Variants in TPM1 observed in about 807,000 individuals in gnomAD.
The protein encoded by TPM1 is tropomyosin alpha-1 chain.
In TPM1, 24 loss-of-function variants were observed where a neutral mutation model predicts 42.9. That is an observed-to-expected ratio of 0.56 (90% CI 0.41 to 0.79). The LOEUF is 0.79. Ranked by LOEUF, TPM1 falls within the 30% of genes least tolerant of loss-of-function variation. The pLI is 0.00. For missense variants in TPM1, 158 were observed against 351.8 expected, an observed-to-expected ratio of 0.45 and a Z score of 4.41; for synonymous variants, 136 against 130.1, an observed-to-expected ratio of 1.05 and a Z score of -0.31.
chr15:63,043,296 G>GA (rs2031583488), intron 1 of TPM1: 4 of 520,190 alleles, frequency 7.7e-6, no homozygotes, highest in Non-Finnish European at 1.5e-5. Flanking sequence ...AAAGGGGGTC[G>GA]AGTAACTCAA....
downstream of TPM1, among the ~76,000 whole-genome samples, chr15:63,066,999 T>TA (rs2036315447): frequency 6.6e-6 from 1 of 152,202 alleles, no homozygotes; most frequent in Admixed American, 6.5e-5. Context: ...AGTGATTTTT[T>TA]TAAAAAAATA....
intron 9 of TPM1, chr15:63,065,307 A>G (rs183271074): frequency 1.9e-4 from 189 of 989,850 alleles, no homozygotes; most frequent in Admixed American, 5.3e-4. Context: ...TCTTCATTCT[A>G]ATATCACCCT....
chr15:63,052,025 T>C (rs2033980413), intron 2 of TPM1, among the ~76,000 whole-genome samples: 2 of 152,062 alleles, frequency 1.3e-5, no homozygotes, highest in South Asian at 4.2e-4. Context: ...GAGGGTCATA[T>C]GCATTGTAAG....
downstream of TPM1, chr15:63,070,771 G>T (rs2036563554): frequency 1.7e-6 from 2 of 1,184,832 alleles, no homozygotes; most frequent in Non-Finnish European, 2.1e-6. Context: ...GCTGTATTTG[G>T]TTTTTACCTC....
In TPM1 at chr15:63,064,103, G is replaced by A. The variant is rs1278119163; in HGVS notation, c.812G>A (p.Ser271Asn). ...CAGAAACTGAAGTACAAAGCCATCAGCGAGGAGCTGGACCACGCTCTCAAC... is the reference window on the plus strand; with the variant it reads ...CAGAAACTGAAGTACAAAGCCATCAACGAGGAGCTGGACCACGCTCTCAAC... ...YAQKLKYKAI[S>N]EELDHALNDM... The change falls in exon 9 of 10, where the codon AGC becomes AAC. Residue 271 changes from serine to asparagine, a missense_variant. Transcript: ENST00000403994. 6.2e-7 allele frequency: 1 copy of A among 1,614,120 alleles called. No individual in the cohort carries two copies. Among genetic ancestry groups the A allele is most frequent in the Non-Finnish European group, 8.5e-7 (1 of 1,180,024 alleles).
At chr15:63,048,856 G>A (rs1463213745) in intron 2 of TPM1, 5 of 1,102,564 alleles carry the variant, frequency 4.5e-6, no homozygotes, top group Non-Finnish European at 6.6e-6. Flanking sequence ...CCAGCTGGCG[G>A]CGGGCTCTGG....
In TPM1 at chr15:63,054,822, T is replaced by A. The variant is rs576302191; in HGVS notation, c.241-2163T>A. Among the ~76,000 whole-genome samples the A allele has an allele frequency of 9.8e-5, 15 of 152,328 alleles. No individual in the cohort carries two copies. The South Asian group carries it at 3.1e-3, about 32-fold the overall frequency. On this transcript the variant is annotated intron_variant, in intron 2 of 9. Coordinates refer to ENST00000403994, the MANE Select transcript of TPM1 (RefSeq NM_001018005.2). ...TGGAGGCTTTTTGTTGTTGTAGGGC[T>A]TTTGGTTTGTGTGCTTGGTTTTTTT... is the stretch of plus-strand genomic sequence containing the variant.
chr15:63,043,992 CCCCT>C, intron 1 of TPM1, 31 bp from the exon 2 acceptor site: 3 of 1,607,164 alleles, frequency 1.9e-6, no homozygotes, highest in Non-Finnish European at 2.5e-6. Flanking sequence ...CTGCTGCACC[CCCCT>C]CCCTCCCTGT....
chr15:63,053,209 T>C (rs1204813038), intron 2 of TPM1, among the ~76,000 whole-genome samples: 2 of 152,262 alleles, frequency 1.3e-5, no homozygotes, highest in Non-Finnish European at 2.9e-5. Context: ...TTCAAAAAGA[T>C]TGTGATAATC....
chr15:63,064,604 G>A, intron 9 of TPM1: 2 of 1,032,428 alleles, frequency 1.9e-6, no homozygotes, highest in Non-Finnish European at 2.3e-6. Context: ...CTGAGGATAA[G>A]GAAATTGGCA....
chr15:63,048,680 G>A, intron 2 of TPM1: 1 of 1,539,512 alleles, frequency 6.5e-7, no homozygotes, highest in South Asian at 1.2e-5. Flanking sequence ...AGCGCGAGCT[G>A]GACCACGAGA....
intron 4 of TPM1, among the ~76,000 whole-genome samples, chr15:63,060,335 C>T (rs899975466): frequency 7.2e-5 from 11 of 152,204 alleles, no homozygotes; most frequent in African/African-American, 2.4e-4. Context: ...TTTTGATCTG[C>T]TTCAGAGGCT....
chr15:63,061,205 C>A lies in TPM1; in HGVS notation c.563+266C>A, dbSNP rs201813515. 6.8e-6 allele frequency: 11 copies of A among 1,613,968 alleles called. No homozygotes were observed. Among genetic ancestry groups the A allele is most frequent in the African/African-American group, 1.3e-5 (1 of 74,882 alleles). On this transcript the variant is annotated intron_variant, in intron 5 of 9. Transcript: ENST00000403994. ...TCCTGTGTCCACTAACAGCCAAGTCCGACAGCTGGAAGAACAATTAAGAAT... is the reference window on the plus strand; with the variant it reads ...TCCTGTGTCCACTAACAGCCAAGTCAGACAGCTGGAAGAACAATTAAGAAT...
intron 9 of TPM1, chr15:63,065,475 G>A: frequency 1.0e-6 from 1 of 985,384 alleles, no homozygotes. Context: ...AGACATGACT[G>A]TTGCCATGGA....
At chr15:63,065,563 T>C in intron 9 of TPM1, 10 of 985,320 alleles carry the variant, frequency 1.0e-5, no homozygotes, top group Non-Finnish European at 1.2e-5. Flanking sequence ...TAAGGTCTTT[T>C]TCAGTGCTAA....
At chr15:63,064,564 G>A (rs1273187095) in intron 9 of TPM1, 1 of 1,053,738 alleles carries the variant, frequency 9.5e-7, no homozygotes, top group East Asian at 8.3e-5. Context: ...TAATTTGAAG[G>A]AACCCTTAAA....
At position 63,060,768 on chromosome 15, in the gene TPM1, A is replaced by T. The variant is rs865952422; in HGVS notation, c.493-101A>T. The T allele has an allele frequency of 7.5e-6, 10 of 1,324,612 alleles. No individual in the cohort carries two copies. In the Middle Eastern group the frequency reaches 1.3e-3, roughly 168 times the overall value. The allele number at this position is 1,324,612 out of a possible 1,614,324, so 82.1% of individuals were successfully genotyped here. A position where few individuals can be genotyped will look rare whatever the true frequency, so the allele number is the denominator to read the frequency against. On this transcript the variant is annotated intron_variant, in intron 4 of 9. Coordinates refer to ENST00000403994, the MANE Select transcript of TPM1 (RefSeq NM_001018005.2). ...AGAGGATCATATTGTTTGTAGACAAAACCCTTAGGGCCTGATGGGATCTGA... is the reference window on the plus strand; with the variant it reads ...AGAGGATCATATTGTTTGTAGACAATACCCTTAGGGCCTGATGGGATCTGA...
At position 63,044,067 on chromosome 15, in the gene TPM1, G is replaced by T. The variant is rs757460987; in HGVS notation, c.155G>T (p.Gly52Val). Residue 52 changes from glycine to valine, a missense_variant, in exon 2 of 10, where the codon GGC (glycine) becomes GTC (valine). This residue lies in a region of TPM1 where 65 missense variants were observed against 208.8 expected (regional missense o/e 0.31). Transcript: ENST00000403994. ...GTGTCACTGCAAAAGAAACTCAAGG[G>T]CACCGAAGATGAACTGGACAAATAC... is the stretch of plus-strand genomic sequence containing the variant. ...ELVSLQKKLK[G>V]TEDELDKYSE... The T allele has an allele frequency of 1.2e-6, 2 of 1,614,154 alleles. No homozygotes were observed. The highest frequency in any genetic ancestry group is 8.5e-7 in the Non-Finnish European group (1 of 1,180,028).
chr15:63,043,090 G>A (rs2031513149), intron 1 of TPM1, 147 bp downstream of exon 1: 3 of 695,796 alleles, frequency 4.3e-6, no homozygotes, highest in African/African-American at 3.6e-5. Context: ...CGTCTGGAAA[G>A]AAGGAAGGGA....
Sources: allele counts gnomAD v4.1 joint callset (sites outside exome capture counted in the v4.1 genomes callset), GRCh38; gene constraint gnomAD v4.1.1; regional missense constraint gnomAD v4.1.1; transcripts MANE v1.5; gene names NCBI Gene and HGNC (gene_info 2026-07-23, HGNC 2026-07-21).